The following MCC variants were observed in gnomAD, a reference collection of about 807,000 sequenced individuals.
MCC encodes colorectal mutant cancer protein.
A neutral mutation model predicts 116.2 loss-of-function variants in MCC; 90 were observed. The observed-to-expected ratio is 0.77, with a 90% confidence interval of 0.65 to 0.92. The LOEUF is 0.92. Among genes scored for constraint, MCC ranks in the 40% least tolerant of loss-of-function variants. The pLI, the probability that MCC is intolerant of heterozygous loss-of-function variation, is 0.00. For missense variants in MCC, 1,516 were observed against 1,312.2 expected, an observed-to-expected ratio of 1.16 and a Z score of -2.40; for synonymous variants, 578 against 510.5, an observed-to-expected ratio of 1.13 and a Z score of -1.78.
intron 14 of MCC, among the ~76,000 whole-genome samples, chr5:113,057,629 A>G (rs1752921353): frequency 6.6e-6 from 1 of 152,200 alleles, no homozygotes; most frequent in Non-Finnish European, 1.5e-5. Context: ...GGCACTGAGG[A>G]CCCCGGCTGT....
chr5:113,220,670 C>A (rs1763517409), intron 3 of MCC, among the ~76,000 whole-genome samples: 1 of 152,164 alleles, frequency 6.6e-6, no homozygotes, highest in African/African-American at 2.4e-5. Context: ...TCCTTGGTAT[C>A]TTGTAACCAT....
Position 113,345,306 on chromosome 5 carries a change from A to G in MCC, c.416-4576T>C, listed in dbSNP as rs140254962. 9.9e-5 allele frequency among the ~76,000 whole-genome samples: 15 copies of G among 152,154 alleles called. No homozygotes were observed. In the East Asian group the frequency reaches 2.7e-3, roughly 27 times the overall value. ...CTCCAATCCCTGGCTCCCAGACAGC[A>G]TTTCTGACCTGCCCAGAGCCTGGGG... On this transcript the variant is annotated intron_variant, in intron 2 of 18. Transcript: ENST00000408903.
At chr5:113,239,298 T>C (rs1561478561) in intron 3 of MCC, among the ~76,000 whole-genome samples, 1 of 152,182 alleles carries the variant, frequency 6.6e-6, no homozygotes, top group Non-Finnish European at 1.5e-5. Flanking sequence ...AAATCTGCCA[T>C]GGAAACATCC....
At chr5:113,404,144 A>T (rs1252952029) in intron 1 of MCC, among the ~76,000 whole-genome samples, 1 of 152,014 alleles carries the variant, frequency 6.6e-6, no homozygotes, top group Non-Finnish European at 1.5e-5. Context: ...TGGGATTACA[A>T]TTGTGAGCCA....
chr5:113,221,595 A>G (rs933081438), intron 3 of MCC, among the ~76,000 whole-genome samples: 2 of 152,224 alleles, frequency 1.3e-5, no homozygotes, highest in Non-Finnish European at 2.9e-5. Context: ...TAATATTACT[A>G]TTGTAAAACC....
chr5:113,165,199 T>C (rs1365307924), intron 3 of MCC, among the ~76,000 whole-genome samples: 1 of 152,188 alleles, frequency 6.6e-6, no homozygotes. Flanking sequence ...GTGGTTTGAG[T>C]CTAGCTTGAC....
chr5:113,058,751 G>A (rs1026725394), intron 14 of MCC, among the ~76,000 whole-genome samples: 1 of 152,184 alleles, frequency 6.6e-6, no homozygotes, highest in Admixed American at 6.5e-5. Context: ...AATACTAAGG[G>A]TTCCTGCCTC....
chr5:113,193,013 C>T (rs182310945), intron 3 of MCC, among the ~76,000 whole-genome samples: 7 of 152,284 alleles, frequency 4.6e-5, no homozygotes, highest in African/African-American at 4.8e-5. Context: ...CAGGCTTCCC[C>T]GGAAGGCTCT....
intron 1 of MCC, among the ~76,000 whole-genome samples, chr5:113,390,300 G>A (rs1517209): frequency 0.19 from 28,269 of 152,014 alleles, 3,145 homozygotes; most frequent in Admixed American, 0.31. Flanking sequence ...TTTAAAAGGT[G>A]TTTCATACTC....
chr5:113,154,213 G>C (rs1427657926), intron 3 of MCC, among the ~76,000 whole-genome samples: 2 of 152,164 alleles, frequency 1.3e-5, no homozygotes, highest in East Asian at 1.9e-4. Context: ...TGCATATGCA[G>C]GCTATAGCAT....
intron 3 of MCC, among the ~76,000 whole-genome samples, chr5:113,265,855 C>G (rs1217159570): frequency 6.6e-6 from 1 of 152,128 alleles, no homozygotes; most frequent in Non-Finnish European, 1.5e-5. Context: ...GTCAAATTCA[C>G]ACGTCTAAGT....
chr5:113,417,850 T>C (rs905265687), intron 1 of MCC, among the ~76,000 whole-genome samples: 1 of 151,934 alleles, frequency 6.6e-6, no homozygotes, highest in Non-Finnish European at 1.5e-5. Flanking sequence ...GATCACTCAC[T>C]TGAGTCCGGG....
At chr5:113,470,296 G>C (rs1318170269) in intron 1 of MCC, among the ~76,000 whole-genome samples, 1 of 152,092 alleles carries the variant, frequency 6.6e-6, no homozygotes, top group Non-Finnish European at 1.5e-5. Flanking sequence ...TTACAATTTG[G>C]CATGTTTTTG....
chr5:113,142,359 G>A (rs1010656259), intron 5 of MCC, among the ~76,000 whole-genome samples: 6 of 151,844 alleles, frequency 4.0e-5, no homozygotes, highest in African/African-American at 1.4e-4. Flanking sequence ...AGCATCGCCA[G>A]GAACATGAAA....
intron 3 of MCC, among the ~76,000 whole-genome samples, chr5:113,182,103 C>A (rs1761658963): frequency 6.6e-6 from 1 of 152,198 alleles, no homozygotes; most frequent in Non-Finnish European, 1.5e-5. Flanking sequence ...CTCTTCTTCA[C>A]CAGAGTTGTT....
chr5:113,220,007 T>G (rs1052343643), intron 3 of MCC, among the ~76,000 whole-genome samples: 1 of 151,304 alleles, frequency 6.6e-6, no homozygotes, highest in African/African-American at 2.4e-5. Context: ...ATTTGGCTAA[T>G]AAAAGTCCTT....
chr5:113,385,005 T>A lies in MCC; in HGVS notation c.378A>T (p.Arg126Ser). Residue 126 changes from arginine to serine, a missense_variant, in exon 2 of 19, where the codon AGA becomes AGT. By Grantham distance (110) the Arg-to-Ser change is moderately radical (BLOSUM62 -1). Transcript: ENST00000408903. ...CACTGCTCGTGGGCCAGGAAGCAATTCTATCCCTCAGCTTCTTTGTACAGG... is the reference window on the plus strand; with the variant it reads ...CACTGCTCGTGGGCCAGGAAGCAATACTATCCCTCAGCTTCTTTGTACAGG... ...DNSCTKKLRD[R>S]IASWPTSSDN... The A allele has an allele frequency of 6.2e-7, 1 of 1,614,228 alleles. No homozygotes were observed. The highest frequency in any genetic ancestry group is 1.1e-5 in the South Asian group (1 of 91,080).
chr5:113,261,927 C>G (rs1765233197), intron 3 of MCC, among the ~76,000 whole-genome samples: 1 of 152,048 alleles, frequency 6.6e-6, no homozygotes, highest in Admixed American at 6.6e-5. Context: ...ATTAACATGA[C>G]TGCAGTACAC....
At chr5:113,251,800 A>C (rs116795181) in intron 3 of MCC, among the ~76,000 whole-genome samples, 2,281 of 152,284 alleles carry the variant, frequency 0.015, 67 homozygotes, top group African/African-American at 0.052. Flanking sequence ...CCAGTTTGCT[A>C]TCTCTCCTCT....
Sources: allele counts gnomAD v4.1 joint callset (sites outside exome capture counted in the v4.1 genomes callset), GRCh38; gene constraint gnomAD v4.1.1; transcripts MANE v1.5; gene names NCBI Gene and HGNC (gene_info 2026-07-23, HGNC 2026-07-21).